The following MMP8 variants were observed in gnomAD, a reference collection of about 807,000 sequenced individuals.
The protein encoded by MMP8 is matrix metallopeptidase 8.
In MMP8, 67 loss-of-function variants were observed where a neutral mutation model predicts 51.2. The observed-to-expected ratio is 1.31, with a 90% confidence interval of 1.08 to 1.60. MMP8 has a LOEUF of 1.60. Among genes scored for constraint, MMP8 ranks in the 40% most tolerant of loss-of-function variants. The probability of loss-of-function intolerance (pLI) is 0.00; values close to 1 mark genes in which losing one functional copy is unlikely to be tolerated. For missense variants in MMP8, 654 were observed against 558.1 expected (o/e 1.17, Z -1.73); for synonymous variants, 225 against 191.0 (o/e 1.18, Z -1.47).
chr11:102,714,476 C>T (rs1309239375), intron 8 of MMP8, 80 bp downstream of exon 8: 1 of 1,008,808 alleles, frequency 9.9e-7, no homozygotes, highest in East Asian at 3.2e-5. Flanking sequence ...TTGTTTTAAA[C>T]CTTGAAATGC....
chr11:102,716,358 AC>A lies in MMP8; in HGVS notation c.845del (p.Ser282IlefsTer2), dbSNP rs1861294219. 1.2e-6 allele frequency: 2 copies of A among 1,602,024 alleles called. No homozygotes were observed. The highest frequency in any genetic ancestry group is 1.7e-6 in the Non-Finnish European group (2 of 1,173,946). On this transcript the variant is annotated frameshift_variant, in exon 6 of 10. Coordinates refer to ENST00000236826, the MANE Select transcript of MMP8 (RefSeq NM_002424.3). LOFTEE classifies it high-confidence loss of function. ...GPSTPKPCDP[S>X]LTFDAITTLR... ...GTGTGGTGATAGCATCAAATGTCAA[AC>A]TGGGGTCACAGGGTTTGGGTGTGCT... is the stretch of plus-strand genomic sequence containing the variant.
In MMP8 at chr11:102,717,071, C is replaced by G. The variant is rs191137533; in HGVS notation, c.785-652G>C. Among the ~76,000 whole-genome samples the G allele has an allele frequency of 1.3e-3, 191 of 152,276 alleles. 2 individuals are homozygous for G. The highest frequency in any genetic ancestry group is 0.012 in the Admixed American group (182 of 15,302). On this transcript the variant is annotated intron_variant, in intron 5 of 9. Coordinates refer to ENST00000236826, the MANE Select transcript of MMP8 (RefSeq NM_002424.3). ...TCCCTGGTTGTGGCACCCTGGCATG[C>G]TTGCTTGATTTTATAGTGCTGTCCC...
In MMP8 at chr11:102,721,816, A is replaced by G. The variant is rs1256105892; in HGVS notation, c.348-54T>C. On this transcript the variant is annotated intron_variant, in intron 2 of 9. Coordinates refer to ENST00000236826, the MANE Select transcript of MMP8 (RefSeq NM_002424.3). The stretch of plus-strand genomic sequence containing the variant: ...TAAATGTTATTTAGAACAGTAGTCC[A>G]TCAACTGATGAGTTGTTCTGTTTTG... 4 of 1,586,898 alleles carry G rather than the reference A, an allele frequency of 2.5e-6. No homozygotes were observed. In the African/African-American group the frequency reaches 4.0e-5, roughly 16 times the overall value.
Position 102,721,692 on chromosome 11 carries a change from A to G in MMP8, c.418T>C (p.Trp140Arg). Residue 140 changes from tryptophan to arginine, a missense_variant, in exon 3 of 10, where the codon TGG becomes CGG. Physicochemically the swap from Trp to Arg is moderately radical, Grantham distance 101. Transcript: ENST00000236826. ...ERAIKDAFEL[W>R]SVASPLIFTR... ...AAGATGAGAGGTGATGCAACACTCC[A>G]GAGTTCAAAGGCATCCTTGATAGCT... 3.1e-6 allele frequency: 5 copies of G among 1,613,906 alleles called. No homozygotes were observed. Among genetic ancestry groups the G allele is most frequent in the Non-Finnish European group, 4.2e-6 (5 of 1,179,870 alleles).
At chr11:102,718,849 T>C (rs1247247345) in intron 4 of MMP8, among the ~76,000 whole-genome samples, 1 of 152,234 alleles carries the variant, frequency 6.6e-6, no homozygotes, top group African/African-American at 2.4e-5. Context: ...ATTTTACAAA[T>C]GTGCATCTGA....
At position 102,714,848 on chromosome 11, in the gene MMP8, T is replaced by C. The variant is rs140260147; in HGVS notation, c.1037-139A>G. ...CACATAGATATGAAAATGGAACAAA[T>C]AGTCTTTAAAAGATGAAGATGATAA... is the stretch of plus-strand genomic sequence containing the variant. On this transcript the variant is annotated intron_variant, in intron 7 of 9. Transcript: ENST00000236826. The C allele has an allele frequency of 1.1e-3, 276 of 244,482 alleles. 4 individuals are homozygous for C. The East Asian group carries it at 0.019, about 17-fold the overall frequency. The allele number at this position is 244,482 out of a possible 1,614,324, so 15.1% of individuals were successfully genotyped here.
chr11:102,719,774 T>C (rs1861414744), intron 4 of MMP8, among the ~76,000 whole-genome samples: 1 of 152,222 alleles, frequency 6.6e-6, no homozygotes, highest in Non-Finnish European at 1.5e-5. Flanking sequence ...CAATTTGTTG[T>C]GGTTCTCTGC....
rs762916695 is a variant in MMP8, at chr11:102,718,523, G to A, written c.675C>T (p.Leu225=). ...AGGCACCAGGGTCAGAGGAGTGAGCGAGCCCCAAAGAATGGCCAAATTCAT... is the reference window on the plus strand; with the variant it reads ...AGGCACCAGGGTCAGAGGAGTGAGCAAGCCCCAAAGAATGGCCAAATTCAT... ...AAHEFGHSLG[L]AHSSDPGALM... The change falls in exon 5 of 10, where the codon CTC becomes CTT. Residue 225 remains leucine (L), a synonymous_variant. Transcript: ENST00000236826. The A allele has an allele frequency of 1.9e-4, 305 of 1,613,824 alleles. No homozygotes were observed. The highest frequency in any genetic ancestry group is 2.5e-4 in the Non-Finnish European group (297 of 1,179,902).
rs751017576 is a variant in MMP8, at chr11:102,721,508, G to C, written c.515C>G (p.Pro172Arg). 6.2e-7 allele frequency: 1 copy of C among 1,613,844 alleles called. No homozygotes were observed. Among genetic ancestry groups the C allele is most frequent in the Non-Finnish European group, 8.5e-7 (1 of 1,179,820 alleles). ...AAGGATTCCATTGGGTCCATCAAAT[G>C]GAGAATTGTCACCGTGATCTGAAAT... ...FYQRDHGDNS[P>R]FDGPNGILAH... Residue 172 changes from proline to arginine, a missense_variant, in exon 4 of 10, where the codon CCA (proline) becomes CGA (arginine). Coordinates refer to ENST00000236826, the MANE Select transcript of MMP8 (RefSeq NM_002424.3).
chr11:102,722,660 TTTTCCAGG>T lies in MMP8; in HGVS notation c.108_115del (p.Tyr36Ter). 6.2e-7 allele frequency: 1 copy of T among 1,613,686 alleles called. No individual in the cohort carries two copies. The highest frequency in any genetic ancestry group is 8.5e-7 in the Non-Finnish European group (1 of 1,179,684). On this transcript the variant is annotated stop_gained and frameshift_variant, in exon 2 of 10. Transcript: ENST00000236826. LOFTEE classifies it high-confidence loss of function. ...CTGGTTGCTTGGTAATTGGTAGAAC[TTTTCCAGG>T]TAGTCCTGGACAAAGACAAGCACAT...
Position 102,711,869 on chromosome 11 carries a change from C to T in MMP8, c.*1479G>A, listed in dbSNP as rs1861133870. The T allele has an allele frequency of 6.6e-6, 1 of 151,692 alleles. No individual in the cohort carries two copies. The highest frequency in any genetic ancestry group is 2.4e-5 in the African/African-American group (1 of 41,264). 9.4% of individuals were successfully genotyped at this position (151,692 alleles called of 1,614,324 possible). On this transcript the variant is annotated 3_prime_UTR_variant, in exon 10 of 10. Coordinates refer to ENST00000236826, the MANE Select transcript of MMP8 (RefSeq NM_002424.3). The stretch of plus-strand genomic sequence containing the variant: ...TAATTTTTGAACAAGCATAAAGGTG[C>T]CAATTTAATTATCTGTGGGATTTAA...
intron 4 of MMP8, among the ~76,000 whole-genome samples, chr11:102,719,506 C>T (rs893145281): frequency 2.7e-5 from 4 of 150,874 alleles, no homozygotes; most frequent in African/African-American, 9.9e-5. Context: ...AGTAAAGTGA[C>T]TGATGCCCAT....
At position 102,713,228 on chromosome 11, in the gene MMP8, G is replaced by C. The variant is rs1329298636; in HGVS notation, c.*120C>G. On this transcript the variant is annotated 3_prime_UTR_variant, in exon 10 of 10. Transcript: ENST00000236826. Reference sequence around the variant, plus strand: ...ACGGAGGACAGGTAGAATGGATACAGTGATGGGAAACAATGACTTAATATT... The same window carrying C: ...ACGGAGGACAGGTAGAATGGATACACTGATGGGAAACAATGACTTAATATT... The C allele has an allele frequency of 1.5e-6, 1 of 683,886 alleles. No homozygotes were observed. Among genetic ancestry groups the C allele is most frequent in the African/African-American group, 1.8e-5 (1 of 55,594 alleles). 42.4% of individuals were successfully genotyped at this position (683,886 alleles called of 1,614,324 possible).
Position 102,712,032 on chromosome 11 carries a change from G to T in MMP8, c.*1316C>A, listed in dbSNP as rs541950390. 2.0e-5 allele frequency: 3 copies of T among 152,062 alleles called. No individual in the cohort carries two copies. Among genetic ancestry groups the T allele is most frequent in the Admixed American group, 2.0e-4 (3 of 15,264 alleles). The allele number at this position is 152,062 out of a possible 1,614,324, so 9.4% of individuals were successfully genotyped here. Reference sequence around the variant, plus strand: ...TATAATGATTTTGATATCTGGACTCGCTAGACTTGGTCCCATAAATCCTAT... The same window carrying T: ...TATAATGATTTTGATATCTGGACTCTCTAGACTTGGTCCCATAAATCCTAT... On this transcript the variant is annotated 3_prime_UTR_variant, in exon 10 of 10. Coordinates refer to ENST00000236826, the MANE Select transcript of MMP8 (RefSeq NM_002424.3).
In MMP8 at chr11:102,715,383, A is replaced by G. The variant is rs1861260648; in HGVS notation, c.957T>C (p.Ser319=). The change falls in exon 7 of 10, where the codon TCT becomes TCC. Residue 319 remains serine, a synonymous_variant. Transcript: ENST00000236826. The part of the protein sequence containing the change: ...QLQRVEMNFI[S]LFWPSLPTGI... ...CAGTTGGAAGGGATGGCCAGAATAG[A>G]GAAATAAAATTCATTTCGACTCTTT... 2 of 1,613,730 alleles carry G rather than the reference A, an allele frequency of 1.2e-6. No individual in the cohort carries two copies. Among genetic ancestry groups the G allele is most frequent in the East Asian group, 4.5e-5 (2 of 44,860 alleles).
chr11:102,722,345 T>G (rs1000241599), intron 2 of MMP8, 84 bp downstream of exon 2: 1 of 1,383,736 alleles, frequency 7.2e-7, no homozygotes, highest in Non-Finnish European at 9.9e-7. Flanking sequence ...TTGTTCCTAG[T>G]GTATCCCAAG....
rs1272348158 is a variant in MMP8 at position 102,722,689 on chromosome 11, C to A, written c.103-16G>T. ...CCAGGTAGTCCTGGACAAAGACAAG[C>A]ACATAGGGGTCTTGCTGTGAAAGGA... On this transcript the variant is annotated splice_polypyrimidine_tract_variant and intron_variant, in intron 1 of 9. Transcript: ENST00000236826. 1.2e-6 allele frequency: 2 copies of A among 1,611,860 alleles called. No homozygotes were observed. Among genetic ancestry groups the A allele is most frequent in the African/African-American group, 2.7e-5 (2 of 74,820 alleles).
chr11:102,714,524 C>T, intron 8 of MMP8, 32 bp downstream of exon 8: 2 of 1,375,770 alleles, frequency 1.5e-6, no homozygotes, highest in South Asian at 3.8e-5. Context: ...ACACAGATTT[C>T]AACCTATAAT....
chr11:102,723,429 AAT>A, intron 1 of MMP8: 2 of 426,896 alleles, frequency 4.7e-6, no homozygotes, highest in Non-Finnish European at 9.3e-6. Flanking sequence ...GCTATAACAG[AAT>A]ATCTGAAGCT....
Sources: allele counts gnomAD v4.1 joint callset (sites outside exome capture counted in the v4.1 genomes callset), GRCh38; gene constraint gnomAD v4.1.1; transcripts MANE v1.5; gene names NCBI Gene and HGNC (gene_info 2026-07-23, HGNC 2026-07-21).